The following FAM178B variants were observed in gnomAD, a reference collection of about 807,000 sequenced individuals.
FAM178B encodes the protein protein FAM178B.
Under a neutral mutation model 91.7 loss-of-function variants are expected in FAM178B, and 82 were observed. That is an observed-to-expected ratio of 0.89 (90% CI 0.75 to 1.07). The LOEUF is 1.07. Ranked by LOEUF, FAM178B falls within the 50% of genes least tolerant of loss-of-function variation. The pLI is 0.00. For missense variants in FAM178B, 769 were observed against 846.7 expected (o/e 0.91, Z 1.14); for synonymous variants, 368 against 359.4 (o/e 1.02, Z -0.27).
chr2:96,920,811 A>G (rs545957700), intron 12 of FAM178B, among the ~76,000 whole-genome samples: 1 of 152,278 alleles, frequency 6.6e-6, no homozygotes, highest in East Asian at 1.9e-4. Flanking sequence ...GGATGAATCG[A>G]GAGTGTGCGA....
At chr2:96,967,764 C>G (rs994171603) in intron 4 of FAM178B, 137 bp from the exon 5 acceptor site, 1 of 617,364 alleles carries the variant, frequency 1.6e-6, no homozygotes, top group African/African-American at 1.8e-5. Context: ...CTTGTGAAGC[C>G]GCTCACACAG....
chr2:96,916,262 G>A (rs1559070799), intron 12 of FAM178B, among the ~76,000 whole-genome samples: 1 of 152,228 alleles, frequency 6.6e-6, no homozygotes, highest in Non-Finnish European at 1.5e-5. Flanking sequence ...GCATATGCCT[G>A]TTTCCTCACA....
chr2:96,948,886 C>T (rs1170930294), intron 7 of FAM178B, among the ~76,000 whole-genome samples: 3 of 152,178 alleles, frequency 2.0e-5, no homozygotes, highest in African/African-American at 7.2e-5. Context: ...GGCTCCAGAG[C>T]CCAGTGGGAC....
At chr2:96,983,899 CT>C (rs1160082673) in intron 1 of FAM178B, among the ~76,000 whole-genome samples, 3 of 152,204 alleles carry the variant, frequency 2.0e-5, no homozygotes, top group East Asian at 3.8e-4. Flanking sequence ...TGAATAACTA[CT>C]ACTTATTTAT....
chr2:96,967,466 T>C, intron 5 of FAM178B, 54 bp downstream of exon 5: 2 of 1,133,146 alleles, frequency 1.8e-6, no homozygotes, highest in Non-Finnish European at 2.6e-6. Flanking sequence ...CCAGAGGGGG[T>C]TGGCACCTCA....
rs201312439 is a variant in FAM178B at position 96,878,092 on chromosome 2, C to T, written c.1855-50G>A. ...AAGCGGGTGTAGCACAAGCCAGGCA[C>T]ATCCAAAGCCGGGCAGGAGGAGAAC... On this transcript the variant is annotated intron_variant, in intron 15 of 16. Transcript: ENST00000490605. 7.9e-4 allele frequency: 1,262 copies of T among 1,589,494 alleles called. 11 individuals are homozygous for T. The African/African-American group carries it at 0.015, about 19-fold the overall frequency.
At chr2:96,910,323 G>A (rs1023712850) in intron 12 of FAM178B, among the ~76,000 whole-genome samples, 6 of 152,088 alleles carry the variant, frequency 3.9e-5, no homozygotes, top group African/African-American at 9.7e-5. Flanking sequence ...GTGAGACGCC[G>A]TCCCACCGGG....
At chr2:96,980,537 C>A (rs2082348118) in intron 1 of FAM178B, among the ~76,000 whole-genome samples, 2 of 152,126 alleles carry the variant, frequency 1.3e-5, no homozygotes, top group South Asian at 2.1e-4. Context: ...TGTGTAGCTA[C>A]AACTACAGAT....
chr2:96,928,275 A>C (rs1014053350), intron 9 of FAM178B, among the ~76,000 whole-genome samples: 1 of 152,188 alleles, frequency 6.6e-6, no homozygotes, highest in African/African-American at 2.4e-5. Context: ...TCCATCTCAA[A>C]TCACCTTCTT....
At chr2:96,886,781 T>G (rs1329042593) in intron 14 of FAM178B, among the ~76,000 whole-genome samples, 1 of 152,190 alleles carries the variant, frequency 6.6e-6, no homozygotes, top group Non-Finnish European at 1.5e-5. Flanking sequence ...CCCACTGTGC[T>G]TGGCCGTCTT....
Position 96,960,354 on chromosome 2 carries a change from G to C in FAM178B, c.821C>G (p.Pro274Arg), listed in dbSNP as rs1559098048. 1 of 1,551,818 alleles carries C rather than the reference G, an allele frequency of 6.4e-7. No homozygotes were observed. ...GETVFLPRCH[P>R]LPCILDSSLL... ...TGAGGAGTCCAGGATGCATGGCAGG[G>C]GGTGACACCTGGGCAGAAACACAGT... Residue 274 changes from proline (P) to arginine (R), a missense_variant, in exon 6 of 17, where the codon CCC becomes CGC. Pro to Arg is a moderately radical substitution (Grantham distance 103, BLOSUM62 -2). Coordinates refer to ENST00000490605, the MANE Select transcript of FAM178B (RefSeq NM_001122646.3).
intron 8 of FAM178B, among the ~76,000 whole-genome samples, chr2:96,943,891 G>A (rs992197639): frequency 3.3e-5 from 5 of 152,072 alleles, no homozygotes; most frequent in South Asian, 2.1e-4. Flanking sequence ...ATGGGTTCGC[G>A]GTGGTTTTTT....
chr2:96,971,849 G>A (rs1303386825), intron 3 of FAM178B, 52 bp downstream of exon 3: 2 of 1,436,934 alleles, frequency 1.4e-6, no homozygotes, highest in South Asian at 1.5e-5. Context: ...GTAAAAGGGT[G>A]GCTAAAGATG....
intron 13 of FAM178B, among the ~76,000 whole-genome samples, chr2:96,899,122 G>A (rs2080877348): frequency 1.3e-5 from 2 of 152,214 alleles, no homozygotes; most frequent in Non-Finnish European, 2.9e-5. Context: ...AGTGGAGATG[G>A]GGAAGGAGCT....
chr2:96,894,625 C>T (rs1166137348), intron 13 of FAM178B, among the ~76,000 whole-genome samples: 9 of 95,368 alleles, frequency 9.4e-5, no homozygotes, highest in African/African-American at 3.5e-4. Flanking sequence ...CCCACTCACC[C>T]CCCCACAGAC....
At chr2:96,947,191 G>A (rs563299570) in intron 8 of FAM178B, among the ~76,000 whole-genome samples, 2 of 152,302 alleles carry the variant, frequency 1.3e-5, no homozygotes, top group South Asian at 4.1e-4. Context: ...TAGGGAGGGT[G>A]CAGCCACTAG....
chr2:96,977,384 C>CAAAAAAAAAA (rs754852439), intron 1 of FAM178B, among the ~76,000 whole-genome samples: 1 of 24,532 alleles, frequency 4.1e-5, no homozygotes, highest in Non-Finnish European at 1.0e-4. Context: ...GACTCCGTCT[C>CAAAAAAAAAA]AAAAAAAAAA....
intron 6 of FAM178B, among the ~76,000 whole-genome samples, chr2:96,954,969 T>C (rs561180323): frequency 1.3e-5 from 2 of 152,264 alleles, no homozygotes; most frequent in Admixed American, 6.5e-5. Flanking sequence ...GAGGACCTCT[T>C]GAGCCGGGAG....
chr2:96,908,000 C>T (rs1449950872), intron 12 of FAM178B, among the ~76,000 whole-genome samples: 6 of 152,254 alleles, frequency 3.9e-5, no homozygotes, highest in Non-Finnish European at 5.9e-5. Context: ...TCAGGGCGTC[C>T]GCCTGGCTCG....
Sources: gnomAD v4.1 joint callset for allele counts (sites outside exome capture counted in the v4.1 genomes callset) on GRCh38, gnomAD v4.1.1 for gene constraint, MANE v1.5 for transcripts, NCBI Gene and HGNC (gene_info 2026-07-23, HGNC 2026-07-21) for gene names.